ITGA2: variants seen among roughly 807,000 people sequenced by gnomAD.
ITGA2 encodes integrin alpha-2.
In ITGA2, 101 loss-of-function variants were observed where a neutral mutation model predicts 146.3. That is an observed-to-expected ratio of 0.69 (90% CI 0.59 to 0.81). The LOEUF (loss-of-function observed/expected upper bound fraction) is 0.81, where lower values mean the gene tolerates loss of function less well. Among genes scored for constraint, ITGA2 ranks in the 40% least tolerant of loss-of-function variants. The pLI, the probability that ITGA2 is intolerant of heterozygous loss-of-function variation, is 0.00. For synonymous variants in ITGA2, 477 were observed against 487.1 expected, an observed-to-expected ratio of 0.98 and a Z score of 0.27; for missense variants, 1,281 against 1,402.7, an observed-to-expected ratio of 0.91 and a Z score of 1.39.
In ITGA2 at chr5:53,056,007, C is replaced by T. The variant is rs143900172; in HGVS notation, c.954C>T (p.Asn318=). 59 of 1,608,986 alleles carry T rather than the reference C, an allele frequency of 3.7e-5. No individual in the cohort carries two copies. The African/African-American group carries it at 3.8e-4, about 10-fold the overall frequency. The part of the protein sequence containing the change: ...GIAVLGYLNR[N]ALDTKNLIKE... ...AGGTTCTTGGGTACTTAAACAGAAACGCCCTTGATACTAAAAATTTAATAA... is the reference window on the plus strand; with the variant it reads ...AGGTTCTTGGGTACTTAAACAGAAATGCCCTTGATACTAAAAATTTAATAA... The change falls in exon 9 of 30, where the codon AAC becomes AAT. Residue 318 remains asparagine (N), a synonymous_variant. Transcript: ENST00000296585.
chr5:53,018,581 C>T (rs1462092340), intron 1 of ITGA2, among the ~76,000 whole-genome samples: 1 of 152,010 alleles, frequency 6.6e-6, no homozygotes, highest in African/African-American at 2.4e-5. Flanking sequence ...GCCAGCCTTC[C>T]CAATGTCCTG....
chr5:53,006,053 G>A (rs1741830831), intron 1 of ITGA2, among the ~76,000 whole-genome samples: 1 of 152,126 alleles, frequency 6.6e-6, no homozygotes, highest in African/African-American at 2.4e-5. Flanking sequence ...CACACACTGG[G>A]GCCTGTCGGT....
At chr5:53,033,579 CT>C (rs1303520074) in intron 2 of ITGA2, among the ~76,000 whole-genome samples, 4 of 151,834 alleles carry the variant, frequency 2.6e-5, no homozygotes, top group Admixed American at 2.6e-4. Flanking sequence ...TTGCTTATAT[CT>C]TATTTAATTA....
chr5:53,042,620 T>C (rs1743860665), intron 3 of ITGA2, among the ~76,000 whole-genome samples: 1 of 152,138 alleles, frequency 6.6e-6, no homozygotes, highest in Non-Finnish European at 1.5e-5. Flanking sequence ...CCAAAAACAC[T>C]CTGTGTTTCT....
intron 3 of ITGA2, among the ~76,000 whole-genome samples, chr5:53,044,762 A>AGATGTGGG (rs945837229): frequency 1.3e-5 from 2 of 152,104 alleles, no homozygotes; most frequent in Non-Finnish European, 2.9e-5. Flanking sequence ...TATAAGTCAT[A>AGATGTGGG]CCCTCTCCAG....
At chr5:52,992,933 C>T (rs922469772) in intron 1 of ITGA2, among the ~76,000 whole-genome samples, 1 of 152,118 alleles carries the variant, frequency 6.6e-6, no homozygotes, top group African/African-American at 2.4e-5. Context: ...CACATGTACA[C>T]ACTCTAAAGC....
chr5:53,054,080 T>C (rs1024896945), intron 7 of ITGA2, among the ~76,000 whole-genome samples: 1 of 152,150 alleles, frequency 6.6e-6, no homozygotes, highest in Non-Finnish European at 1.5e-5. Flanking sequence ...GTCTACATTA[T>C]AGAATACAAA....
intron 1 of ITGA2, chr5:52,990,357 C>CCTT (rs1468726214): frequency 1.3e-5 from 2 of 152,324 alleles, no homozygotes; most frequent in Non-Finnish European, 2.9e-5. Context: ...TTCTTTTACA[C>CCTT]TAAGAGGAGG....
intron 1 of ITGA2, among the ~76,000 whole-genome samples, chr5:52,994,600 T>C (rs1381023067): frequency 6.6e-6 from 1 of 152,224 alleles, no homozygotes; most frequent in Non-Finnish European, 1.5e-5. Flanking sequence ...AACTGCGATG[T>C]CAACTAGCTT....
chr5:53,086,154 A>C (rs898513885), intron 27 of ITGA2, among the ~76,000 whole-genome samples: 1 of 151,884 alleles, frequency 6.6e-6, no homozygotes, highest in African/African-American at 2.4e-5. Context: ...TAATCTACCC[A>C]CCTCAGCCTC....
intron 1 of ITGA2, among the ~76,000 whole-genome samples, chr5:52,999,106 T>G (rs1561277954): frequency 6.6e-6 from 1 of 152,284 alleles, no homozygotes; most frequent in South Asian, 2.1e-4. Context: ...AGATATCATT[T>G]TTTCCCCAAA....
rs745380820 is a variant in ITGA2, at chr5:53,055,644, A to G, written c.886A>G (p.Ile296Val). ...TGATGGTTCAATGTTGAAAGCTGTG[A>G]TTGATCAATGCAACCATGACAATAT... ...SHDGSMLKAV[I>V]DQCNHDNILR... Residue 296 changes from isoleucine (I) to valine (V), a missense_variant, in exon 8 of 30, where the codon ATT becomes GTT. Ile to Val is a conservative substitution (Grantham distance 29). Coordinates refer to ENST00000296585, the MANE Select transcript of ITGA2 (RefSeq NM_002203.4). The G allele has an allele frequency of 4.3e-6, 7 of 1,613,256 alleles. No individual in the cohort carries two copies. Among genetic ancestry groups the G allele is most frequent in the African/African-American group, 2.7e-5 (2 of 74,882 alleles).
intron 28 of ITGA2, 55 bp from the exon 29 acceptor site, chr5:53,089,891 T>A (rs1315552971): frequency 9.8e-7 from 1 of 1,025,316 alleles, no homozygotes; most frequent in Non-Finnish European, 1.6e-6. Flanking sequence ...GACTAGACCA[T>A]CTCCCCCCTT....
At chr5:53,065,331 G>T (rs966108224) in intron 14 of ITGA2, among the ~76,000 whole-genome samples, 12 of 151,960 alleles carry the variant, frequency 7.9e-5, no homozygotes, top group Non-Finnish European at 1.5e-4. Flanking sequence ...TGATCTTTGT[G>T]TGCCTTATAT....
intron 28 of ITGA2, 102 bp from the exon 29 acceptor site, chr5:53,089,843 TA>T (rs1244188450): frequency 1.3e-6 from 1 of 786,926 alleles, no homozygotes; most frequent in Admixed American, 1.7e-5. Flanking sequence ...GTCACCTTTC[TA>T]GAGCTGTAGA....
chr5:53,075,236 A>G lies in ITGA2; in HGVS notation c.2757A>G (p.Glu919=). The G allele has an allele frequency of 6.2e-7, 1 of 1,612,696 alleles. No homozygotes were observed. Among genetic ancestry groups the G allele is most frequent in the Non-Finnish European group, 8.5e-7 (1 of 1,179,210 alleles). Residue 919 remains glutamate (E), a synonymous_variant, in exon 23 of 30, where the codon GAA becomes GAG. Coordinates refer to ENST00000296585, the MANE Select transcript of ITGA2 (RefSeq NM_002203.4). ...CTTTCTATAGTGAAAGCCAAGAAGA[A>G]AACAAGGCTGATAATTTGGTCAACC... is the stretch of plus-strand genomic sequence containing the variant. ...SFQALSESQE[E]NKADNLVNLK...
intron 16 of ITGA2, among the ~76,000 whole-genome samples, chr5:53,067,559 T>G (rs1745203473): frequency 6.6e-6 from 1 of 151,928 alleles, no homozygotes; most frequent in Non-Finnish European, 1.5e-5. Flanking sequence ...ACTTAAAACC[T>G]TGAGCATACA....
chr5:53,080,435 A>C, intron 24 of ITGA2, 76 bp from the exon 25 acceptor site: 1 of 1,155,706 alleles, frequency 8.7e-7, no homozygotes, highest in Non-Finnish European at 1.3e-6. Flanking sequence ...CCCTTCATCA[A>C]CACGGGGTTA....
In ITGA2 at chr5:53,036,044, T is replaced by TATTCATTCATTCATTC. The variant is rs74507381; in HGVS notation, c.186-6048_186-6033dup. ...ACACCTTTAGGCTGTCTTTGACTCG[T>TATTCATTCATTCATTC]ATTCATTCATTCATTCATTCATTCA... is the stretch of plus-strand genomic sequence containing the variant. On this transcript the variant is annotated intron_variant, in intron 2 of 29. Transcript: ENST00000296585. 1.7e-3 allele frequency among the ~76,000 whole-genome samples: 254 copies of TATTCATTCATTCATTC among 150,008 alleles called. 2 individuals are homozygous for TATTCATTCATTCATTC. In the Middle Eastern group the frequency reaches 0.017, roughly 10 times the overall value.
Sources: allele counts gnomAD v4.1 joint callset (sites outside exome capture counted in the v4.1 genomes callset), GRCh38; gene constraint gnomAD v4.1.1; transcripts MANE v1.5; gene names NCBI Gene and HGNC (gene_info 2026-07-23, HGNC 2026-07-21).